The following CCL20 variants were observed in gnomAD, a reference collection of about 807,000 sequenced individuals.
CCL20 encodes the protein C-C motif chemokine ligand 20.
A neutral mutation model predicts 10.8 loss-of-function variants in CCL20; 8 were observed. The ratio of observed to expected loss-of-function variants is 0.74; its 90% confidence interval spans 0.44 to 1.34. The LOEUF (loss-of-function observed/expected upper bound fraction) is 1.34, where lower values mean the gene tolerates loss of function less well. Ranked by LOEUF, CCL20 falls within the 40% of genes most tolerant of loss-of-function variation. The pLI, the probability that CCL20 is intolerant of heterozygous loss-of-function variation, is 0.01. For missense variants in CCL20, 107 were observed against 117.9 expected (o/e 0.91, Z 0.43); for synonymous variants, 40 against 39.4 (o/e 1.02, Z -0.06).
chr2:227,817,037 A>G lies in CCL20; in HGVS notation c.270-25A>G, dbSNP rs375793069. The G allele has an allele frequency of 8.2e-5, 131 of 1,590,026 alleles. 1 individual carries two copies. In the African/African-American group the frequency reaches 1.7e-3, roughly 20 times the overall value. Reference sequence around the variant, plus strand: ...ATGCAGTCACCTTGTCATTACTTACACTTTTCTTCTTTTTCATTTTACAGT... The same window carrying G: ...ATGCAGTCACCTTGTCATTACTTACGCTTTTCTTCTTTTTCATTTTACAGT... On this transcript the variant is annotated intron_variant, in intron 3 of 3. Transcript: ENST00000358813.
intron 2 of CCL20, chr2:227,815,899 A>T (rs1326813754): frequency 4.0e-6 from 1 of 247,916 alleles, no homozygotes; most frequent in Admixed American, 5.2e-5. Context: ...TTTCGAAATG[A>T]GCATCTTCTA....
chr2:227,815,859 G>A (rs1035239748), intron 2 of CCL20: 7 of 295,342 alleles, frequency 2.4e-5, no homozygotes, highest in Non-Finnish European at 1.9e-5. Flanking sequence ...CTATTAAAGT[G>A]ATATATTAGG....
At position 227,813,909 on chromosome 2, in the gene CCL20, A is replaced by G. The variant is rs889559703; in HGVS notation, c.-3A>G. On this transcript the variant is annotated 5_prime_UTR_variant, in exon 1 of 4. Coordinates refer to ENST00000358813, the MANE Select transcript of CCL20 (RefSeq NM_004591.3). The stretch of plus-strand genomic sequence containing the variant: ...AGCAGATCTGTTCTTTGAGCTAAAA[A>G]CCATGTGCTGTACCAAGAGTTTGCT... The G allele has an allele frequency of 1.2e-6, 2 of 1,613,092 alleles. No homozygotes were observed. The highest frequency in any genetic ancestry group is 8.5e-7 in the Non-Finnish European group (1 of 1,179,222).
At chr2:227,814,010 G>A (rs1282255753) in intron 1 of CCL20, 23 bp downstream of exon 1, 3 of 1,597,684 alleles carry the variant, frequency 1.9e-6, no homozygotes, top group Non-Finnish European at 2.6e-6. Flanking sequence ...CTTTCCGCTA[G>A]CACAGAAGAA....
chr2:227,816,986 CT>C, intron 3 of CCL20, 75 bp from the exon 4 acceptor site: 1 of 1,159,438 alleles, frequency 8.6e-7, no homozygotes. Flanking sequence ...GTGAAGCAAC[CT>C]TTAGGTACCA....
chr2:227,814,105 A>G lies in CCL20; in HGVS notation c.76+118A>G, dbSNP rs2135482. 0.025 allele frequency: 21,242 copies of G among 845,656 alleles called. 2,974 individuals carry two copies. In the African/African-American group the frequency reaches 0.31, roughly 12 times the overall value. 52.4% of individuals were successfully genotyped at this position (845,656 alleles called of 1,614,324 possible). On this transcript the variant is annotated intron_variant, in intron 1 of 3. Coordinates refer to ENST00000358813, the MANE Select transcript of CCL20 (RefSeq NM_004591.3). ...AACTGTTAGGAAGTATACAAGAGGT[A>G]GTGATGGAAGTTGTCTGCCCATGGT...
At chr2:227,816,955 C>T in intron 3 of CCL20, 107 bp from the exon 4 acceptor site, 2 of 801,346 alleles carry the variant, frequency 2.5e-6, no homozygotes, top group Non-Finnish European at 4.3e-6. Flanking sequence ...GCTTGACATA[C>T]TGAGTTGAGA....
In CCL20 at chr2:227,815,470, C is replaced by A; in HGVS notation, c.93C>A (p.Asp31Glu). 6.3e-7 allele frequency: 1 copy of A among 1,575,500 alleles called. No homozygotes were observed. Among genetic ancestry groups the A allele is most frequent in the Admixed American group, 1.8e-5 (1 of 56,710 alleles). Residue 31 changes from aspartate (D) to glutamate (E), a missense_variant, in exon 2 of 4, where the codon GAC (aspartate) becomes GAA (glutamate). Physicochemically the swap from Asp to Glu is conservative, Grantham distance 45. Transcript: ENST00000358813. Reference protein sequence around the residue: ...CGESEAASNFDCCLGYTDRIL... With the variant: ...CGESEAASNFECCLGYTDRIL... ...TTTTTTTAGCAGCAAGCAACTTTGA[C>A]TGCTGTCTTGGATACACAGACCGTA...
At position 227,813,842 on chromosome 2, in the gene CCL20, A is replaced by G. The variant is rs1320884340; in HGVS notation, c.-70A>G. 8.5e-7 allele frequency: 1 copy of G among 1,180,806 alleles called. No individual in the cohort carries two copies. Among genetic ancestry groups the G allele is most frequent in the Non-Finnish European group, 1.3e-6 (1 of 787,008 alleles). 73.1% of individuals were successfully genotyped at this position (1,180,806 alleles called of 1,614,324 possible). A position where few individuals can be genotyped will look rare whatever the true frequency, so the allele number is the denominator to read the frequency against. On this transcript the variant is annotated 5_prime_UTR_variant, in exon 1 of 4. Coordinates refer to ENST00000358813, the MANE Select transcript of CCL20 (RefSeq NM_004591.3). Reference sequence around the variant, plus strand: ...AATAGGGCCATCCCAGGCTGCTGTCAGAATATAACAGCACTCCCAAAGAAC... The same window carrying G: ...AATAGGGCCATCCCAGGCTGCTGTCGGAATATAACAGCACTCCCAAAGAAC...
intron 2 of CCL20, 196 bp from the exon 3 acceptor site, chr2:227,816,111 A>G (rs1339128903): frequency 1.8e-6 from 1 of 544,138 alleles, no homozygotes; most frequent in Non-Finnish European, 3.3e-6. Context: ...ATTATTTGTT[A>G]CATTGCAGAG....
rs776627370 is a variant in CCL20, at chr2:227,816,332, G to A, written c.217G>A (p.Val73Met). 1.2e-6 allele frequency: 2 copies of A among 1,611,548 alleles called. No individual in the cohort carries two copies. The highest frequency in any genetic ancestry group is 3.3e-5 in the Admixed American group (2 of 59,934). The change falls in exon 3 of 4, where the codon GTG becomes ATG. Residue 73 changes from valine (V) to methionine (M), a missense_variant. Coordinates refer to ENST00000358813, the MANE Select transcript of CCL20 (RefSeq NM_004591.3). ...IIFHTKKKLS[V>M]CANPKQTWVK... ...CTTTCACACAAAGAAAAAGTTGTCT[G>A]TGTGCGCAAATCCAAAACAGACTTG...
chr2:227,816,420 T>C (rs1339385819), intron 3 of CCL20, 36 bp downstream of exon 3: 1 of 1,282,556 alleles, frequency 7.8e-7, no homozygotes, highest in Non-Finnish European at 1.1e-6. Context: ...TGCAAATGTT[T>C]GAGGAAAGAG....
In CCL20 at chr2:227,817,106, G is replaced by A. The variant is rs776857675; in HGVS notation, c.*23G>A. On this transcript the variant is annotated 3_prime_UTR_variant, in exon 4 of 4. Coordinates refer to ENST00000358813, the MANE Select transcript of CCL20 (RefSeq NM_004591.3). ...TAAAAACTGTGGCTTTTCTGGAATG[G>A]AATTGGACATAGCCCAAGAACAGAA... 1 of 1,599,340 alleles carries A rather than the reference G, an allele frequency of 6.3e-7. No homozygotes were observed. The highest frequency in any genetic ancestry group is 2.2e-5 in the East Asian group (1 of 44,746).
chr2:227,815,968 T>A, intron 2 of CCL20: 1 of 247,158 alleles, frequency 4.0e-6, no homozygotes, highest in South Asian at 9.3e-5. Flanking sequence ...TCACATATAA[T>A]TTTCTTGATT....
At chr2:227,814,135 TGGA>T in intron 1 of CCL20, 148 bp downstream of exon 1, 1 of 701,050 alleles carries the variant, frequency 1.4e-6, no homozygotes, top group Non-Finnish European at 2.5e-6. Flanking sequence ...CATGGTGGAG[TGGA>T]GGAGAGAAGA....
At position 227,815,537 on chromosome 2, in the gene CCL20, G is replaced by C. The variant is rs1319334665; in HGVS notation, c.160G>C (p.Ala54Pro). ...TATTGTGGGCTTCACACGGCAGCTGGCCAATGAAGGCTGTGACATCAATGC... is the reference window on the plus strand; with the variant it reads ...TATTGTGGGCTTCACACGGCAGCTGCCCAATGAAGGCTGTGACATCAATGC... ...KFIVGFTRQL[A>P]NEGCDINAII... Residue 54 changes from alanine (A) to proline (P), a missense_variant, in exon 2 of 4, where the codon GCC becomes CCC. By Grantham distance (27) the Ala-to-Pro change is conservative. Coordinates refer to ENST00000358813, the MANE Select transcript of CCL20 (RefSeq NM_004591.3). 3.1e-6 allele frequency: 5 copies of C among 1,606,564 alleles called. No individual in the cohort carries two copies. In the South Asian group the frequency reaches 5.5e-5, roughly 18 times the overall value.
chr2:227,816,535 C>T (rs2106160890), intron 3 of CCL20, 151 bp downstream of exon 3: 1 of 478,972 alleles, frequency 2.1e-6, no homozygotes, highest in South Asian at 4.2e-5. Flanking sequence ...ACAAAGAATG[C>T]ATTTTTCCAC....
At chr2:227,816,260 C>A in intron 2 of CCL20, 47 bp from the exon 3 acceptor site, 2 of 1,058,338 alleles carry the variant, frequency 1.9e-6, no homozygotes, top group South Asian at 1.3e-5. Context: ...TATGAAAAAC[C>A]CATTGAAAAG....
At chr2:227,814,832 C>A (rs997924926) in intron 1 of CCL20, among the ~76,000 whole-genome samples, 1 of 151,870 alleles carries the variant, frequency 6.6e-6, no homozygotes, top group Admixed American at 6.6e-5. Flanking sequence ...GGCAAGCAAT[C>A]CTTCCTCCTT....
Sources: gnomAD v4.1 joint callset for allele counts (sites outside exome capture counted in the v4.1 genomes callset) on GRCh38, gnomAD v4.1.1 for gene constraint, MANE v1.5 for transcripts, NCBI Gene and HGNC (gene_info 2026-07-23, HGNC 2026-07-21) for gene names.